BABAM2: variants seen among roughly 807,000 people sequenced by gnomAD.
The protein encoded by BABAM2 is BRISC and BRCA1-A complex member 2.
In BABAM2, 31 loss-of-function variants were observed where a neutral mutation model predicts 54.7. That is an observed-to-expected ratio of 0.57 (90% CI 0.43 to 0.77). The LOEUF is 0.77. Ranked by LOEUF, BABAM2 falls within the 30% of genes least tolerant of loss-of-function variation. The pLI is 0.00. For missense variants in BABAM2, 364 were observed against 455.8 expected, an observed-to-expected ratio of 0.80 and a Z score of 1.83; for synonymous variants, 167 against 162.9, an observed-to-expected ratio of 1.03 and a Z score of -0.19.
intron 6 of BABAM2, among the ~76,000 whole-genome samples, chr2:28,070,080 T>G (rs1663983720): frequency 1.3e-5 from 2 of 152,200 alleles, no homozygotes; most frequent in Admixed American, 6.5e-5. Context: ...TACTAATTAC[T>G]GTGATTTATA....
At chr2:27,957,654 A>G (rs1436036708) in intron 3 of BABAM2, among the ~76,000 whole-genome samples, 4 of 152,158 alleles carry the variant, frequency 2.6e-5, no homozygotes, top group African/African-American at 9.7e-5. Flanking sequence ...TAAGTAAGAG[A>G]CTGTAGCAGA....
chr2:27,979,268 A>G (rs1307538559), intron 3 of BABAM2, among the ~76,000 whole-genome samples: 3 of 151,846 alleles, frequency 2.0e-5, no homozygotes, highest in Non-Finnish European at 4.4e-5. Flanking sequence ...TCCTCACCTC[A>G]GGTGATCCAT....
intron 2 of BABAM2, among the ~76,000 whole-genome samples, chr2:27,911,214 A>G (rs2148304929): frequency 6.6e-6 from 1 of 152,312 alleles, no homozygotes. Flanking sequence ...TAGTGTGGGA[A>G]CAGACTAATA....
intron 10 of BABAM2, among the ~76,000 whole-genome samples, chr2:28,292,096 A>G (rs916002487): frequency 1.3e-5 from 2 of 152,358 alleles, no homozygotes; most frequent in African/African-American, 2.4e-5. Flanking sequence ...GAATATAACC[A>G]TAACCACCAC....
intron 2 of BABAM2, among the ~76,000 whole-genome samples, chr2:27,926,624 T>G (rs1313920175): frequency 6.6e-6 from 1 of 152,238 alleles, no homozygotes; most frequent in East Asian, 1.9e-4. Context: ...TGTTTGTCTC[T>G]TGTTTATCGT....
intron 11 of BABAM2, among the ~76,000 whole-genome samples, chr2:28,331,908 G>A (rs1181086418): frequency 6.6e-6 from 1 of 152,216 alleles, no homozygotes; most frequent in East Asian, 1.9e-4. Flanking sequence ...CAAAGACATG[G>A]AATCAACCCA....
intron 7 of BABAM2, among the ~76,000 whole-genome samples, chr2:28,172,813 A>G (rs1044792031): frequency 1.3e-5 from 2 of 152,204 alleles, no homozygotes; most frequent in Admixed American, 6.5e-5. Context: ...TTAAAAATCT[A>G]TAACCTTGTG....
At chr2:27,996,219 A>G (rs1673133928) in intron 4 of BABAM2, 1 of 154,636 alleles carries the variant, frequency 6.5e-6, no homozygotes, top group African/African-American at 2.4e-5. Flanking sequence ...GTCTTCTTCC[A>G]GAGAGAGGGT....
chr2:28,335,561 C>T (rs930449396), intron 11 of BABAM2, among the ~76,000 whole-genome samples: 2 of 152,222 alleles, frequency 1.3e-5, no homozygotes, highest in African/African-American at 4.8e-5. Context: ...AGCCACAGCC[C>T]ATCACCAAGT....
chr2:28,118,599 TC>T (rs1452946328), intron 6 of BABAM2, among the ~76,000 whole-genome samples: 1 of 152,186 alleles, frequency 6.6e-6, no homozygotes, highest in Non-Finnish European at 1.5e-5. Flanking sequence ...ATGTTTAAGT[TC>T]CTTGTAAACT....
In BABAM2 at chr2:28,222,156, C is replaced by G. The variant is rs184016718; in HGVS notation, c.681-15046C>G. 9.9e-5 allele frequency among the ~76,000 whole-genome samples: 15 copies of G among 152,270 alleles called. 2 individuals carry two copies. The South Asian group carries it at 2.9e-3, about 29-fold the overall frequency. On this transcript the variant is annotated intron_variant, in intron 7 of 11. Coordinates refer to ENST00000379624, the MANE Select transcript of BABAM2 (RefSeq NM_199191.3). ...TGGCCCAGAAGTTGTGAACCCTTCC[C>G]TGCCCTCTCCTCTAAGACTCTAAAT...
In BABAM2 at chr2:28,289,560, G is replaced by A. The variant is rs531842654; in HGVS notation, c.935-8778G>A. ...ATCCCAACACTTGGGAGGCCAAGGC[G>A]GGCAGATCACCTGAGGTCAGAAGTT... On this transcript the variant is annotated intron_variant, in intron 10 of 11. Transcript: ENST00000379624. Among the ~76,000 whole-genome samples the A allele has an allele frequency of 6.2e-4, 94 of 152,260 alleles. 1 individual carries two copies. The highest frequency in any genetic ancestry group is 1.8e-3 in the African/African-American group (76 of 41,534).
At chr2:27,910,616 T>C (rs1666512016) in intron 2 of BABAM2, among the ~76,000 whole-genome samples, 1 of 152,168 alleles carries the variant, frequency 6.6e-6, no homozygotes, top group Non-Finnish European at 1.5e-5. Flanking sequence ...CTATCCTGAC[T>C]TCTAACAAAA....
chr2:28,269,722 T>G (rs1685262900), intron 10 of BABAM2, among the ~76,000 whole-genome samples: 1 of 152,218 alleles, frequency 6.6e-6, no homozygotes, highest in Non-Finnish European at 1.5e-5. Context: ...CTGTCTTCTT[T>G]CAGATTTACA....
At chr2:28,072,681 G>A (rs1275605704) in intron 6 of BABAM2, among the ~76,000 whole-genome samples, 4 of 151,992 alleles carry the variant, frequency 2.6e-5, no homozygotes, top group African/African-American at 4.8e-5. Flanking sequence ...CACTGTGCCC[G>A]GCCAGCCTGG....
chr2:27,941,900 G>A (rs1411597193), intron 3 of BABAM2, among the ~76,000 whole-genome samples: 1 of 152,142 alleles, frequency 6.6e-6, no homozygotes, highest in African/African-American at 2.4e-5. Context: ...TAATTAAATA[G>A]TGGCCAAACA....
chr2:28,020,005 G>A (rs1436695116), intron 4 of BABAM2, among the ~76,000 whole-genome samples: 1 of 152,146 alleles, frequency 6.6e-6, no homozygotes, highest in Non-Finnish European at 1.5e-5. Flanking sequence ...TTTTGGCTAA[G>A]GAAAGCACAA....
chr2:28,177,023 C>T (rs1247982714), intron 7 of BABAM2, among the ~76,000 whole-genome samples: 1 of 151,912 alleles, frequency 6.6e-6, no homozygotes, highest in African/African-American at 2.4e-5. Context: ...CTAAGTATAG[C>T]AATAAATTGA....
intron 7 of BABAM2, among the ~76,000 whole-genome samples, chr2:28,135,066 G>A (rs565743249): frequency 1.3e-5 from 2 of 152,282 alleles, no homozygotes; most frequent in South Asian, 4.1e-4. Flanking sequence ...AGGCCCTACT[G>A]TAGTGCTTGG....
Sources: allele counts gnomAD v4.1 joint callset (sites outside exome capture counted in the v4.1 genomes callset), GRCh38; gene constraint gnomAD v4.1.1; transcripts MANE v1.5; gene names NCBI Gene and HGNC (gene_info 2026-07-23, HGNC 2026-07-21).